XPA: variants seen among roughly 807,000 people sequenced by gnomAD.
XPA encodes XPA, DNA damage recognition and repair factor, also known as DNA repair protein complementing XP-A cells.
Under a neutral mutation model 35.7 loss-of-function variants are expected in XPA, and 27 were observed. The ratio of observed to expected loss-of-function variants is 0.76; its 90% CI spans 0.56 to 1.04. The LOEUF is 1.04. XPA is among the 50% of genes least tolerant of loss of function. XPA has a pLI of 0.00. For missense variants in XPA, 354 were observed against 342.7 expected (o/e 1.03, Z -0.26); for synonymous variants, 133 against 118.4 (o/e 1.12, Z -0.80).
At chr9:97,674,235 C>T (rs1828283626), downstream of XPA, among the ~76,000 whole-genome samples, 1 of 152,022 alleles carries the variant, frequency 6.6e-6, no homozygotes, top group Non-Finnish European at 1.5e-5. Context: ...CCAGAGACAT[C>T]TTGCTGCCCA....
intron 2 of XPA, among the ~76,000 whole-genome samples, chr9:97,690,823 C>T (rs540209631): frequency 2.0e-5 from 3 of 152,294 alleles, no homozygotes; most frequent in Non-Finnish European, 2.9e-5. Context: ...GTGCCCGGCC[C>T]CTCTTCCACT....
intron 5 of XPA, among the ~76,000 whole-genome samples, chr9:97,683,184 G>T (rs1828597835): frequency 6.6e-6 from 1 of 152,160 alleles, no homozygotes; most frequent in Non-Finnish European, 1.5e-5. Flanking sequence ...TCAGGTAGCT[G>T]GAGTTAACAA....
chr9:97,660,058 T>G, the XPA span, among the ~76,000 whole-genome samples: 1 of 152,198 alleles, frequency 6.6e-6, no homozygotes, highest in Non-Finnish European at 1.5e-5. Context: ...GCAAGCCAGT[T>G]TTGTATTGCT....
chr9:97,682,756 T>C (rs1346783201), intron 5 of XPA, among the ~76,000 whole-genome samples: 1 of 152,214 alleles, frequency 6.6e-6, no homozygotes, highest in Non-Finnish European at 1.5e-5. Context: ...GCTTATCTGG[T>C]GATTAACAGC....
At chr9:97,687,028 C>T (rs2131396297) in intron 4 of XPA, 68 bp downstream of exon 4, 3 of 1,519,182 alleles carry the variant, frequency 2.0e-6, no homozygotes, top group Non-Finnish European at 1.8e-6. Context: ...AAAGCCAAAC[C>T]AATTATGACT....
downstream of XPA, among the ~76,000 whole-genome samples, chr9:97,674,143 C>CCCCG (rs532362929): frequency 2.4e-4 from 37 of 151,810 alleles, no homozygotes; most frequent in East Asian, 3.3e-3. Context: ...CTTCCCCGCC[C>CCCCG]CCATAATGCT....
At chr9:97,661,793 AT>A in the XPA span, among the ~76,000 whole-genome samples, 478 of 126,110 alleles carry the variant, frequency 3.8e-3, 1 homozygote, top group Non-Finnish European at 5.6e-3. Flanking sequence ...AACCTGTGTG[AT>A]TTTTTTTTTT....
chr9:97,672,001 A>C (rs1828207222), downstream of XPA: 1 of 152,210 alleles, frequency 6.6e-6, no homozygotes, highest in Admixed American at 6.5e-5. Flanking sequence ...TGAGTTACAG[A>C]ATACTAAAGT....
chr9:97,671,659 C>T (rs1227446459), downstream of XPA: 1 of 152,528 alleles, frequency 6.6e-6, no homozygotes, highest in Non-Finnish European at 1.5e-5. Flanking sequence ...TTTATCATCT[C>T]ACTCTACTCT....
chr9:97,668,056 G>T, the XPA span, among the ~76,000 whole-genome samples: 4 of 152,186 alleles, frequency 2.6e-5, no homozygotes, highest in South Asian at 2.1e-4. Flanking sequence ...AAAGTGGAGA[G>T]ATCAGTAGAT....
the XPA span, among the ~76,000 whole-genome samples, chr9:97,665,409 G>T: frequency 6.6e-6 from 1 of 152,224 alleles, no homozygotes; most frequent in Non-Finnish European, 1.5e-5. Flanking sequence ...ATAGGGAAGT[G>T]TCACAGAGTG....
intron 2 of XPA, among the ~76,000 whole-genome samples, chr9:97,691,772 A>G (rs1828895568): frequency 6.6e-6 from 1 of 151,652 alleles, no homozygotes; most frequent in Non-Finnish European, 1.5e-5. Flanking sequence ...AGTCCCAGCT[A>G]CTTGGGAGGC....
chr9:97,664,221 G>A, the XPA span: 1 of 565,680 alleles, frequency 1.8e-6, no homozygotes, highest in Non-Finnish European at 3.1e-6. Context: ...CAATTCCATA[G>A]CCACCAAAAC....
chr9:97,677,318 A>G (rs2131381732), intron 5 of XPA, among the ~76,000 whole-genome samples: 1 of 152,308 alleles, frequency 6.6e-6, no homozygotes, highest in Admixed American at 6.5e-5. Context: ...ATGTCAGGCT[A>G]TATAATGGTG....
At chr9:97,670,478 C>T (rs1828156111), downstream of XPA, among the ~76,000 whole-genome samples, 1 of 152,186 alleles carries the variant, frequency 6.6e-6, no homozygotes, top group African/African-American at 2.4e-5. Flanking sequence ...TCTTCGGACA[C>T]TACTCCCCTA....
Position 97,697,137 on chromosome 9 carries a change from C to T in XPA, c.156G>A (p.Ala52=). Residue 52 remains alanine, a synonymous_variant, in exon 1 of 6, where the codon GCG becomes GCA. Coordinates refer to ENST00000375128, the MANE Select transcript of XPA (RefSeq NM_000380.4). ...GGCCCAAACCTCCAGTAGCCGCAGC[C>T]GCCGTCGCCGAGTAGGGCCGGGCAG... ...RLAARPYSAT[A]AAATGGMANV... 6.4e-7 allele frequency: 1 copy of T among 1,554,498 alleles called. No individual in the cohort carries two copies. Among genetic ancestry groups the T allele is most frequent in the Non-Finnish European group, 8.7e-7 (1 of 1,152,740 alleles).
intron 3 of XPA, among the ~76,000 whole-genome samples, chr9:97,688,530 A>G (rs984859797): frequency 6.6e-6 from 1 of 152,236 alleles, no homozygotes; most frequent in African/African-American, 2.4e-5. Context: ...TTAAACTGGT[A>G]CAAGAGTTGC....
the XPA span, chr9:97,666,706 T>G: frequency 1.7e-6 from 2 of 1,208,400 alleles, no homozygotes; most frequent in Non-Finnish European, 2.3e-6. Flanking sequence ...GTTGAAAGAT[T>G]TTATTTTCTG....
At chr9:97,691,900 T>A (rs1432716166) in intron 2 of XPA, among the ~76,000 whole-genome samples, 2 of 145,174 alleles carry the variant, frequency 1.4e-5, no homozygotes, top group Admixed American at 6.9e-5. Context: ...TATATATATA[T>A]ATATATATAT....
Sources: gnomAD v4.1 joint callset for allele counts (sites outside exome capture counted in the v4.1 genomes callset) on GRCh38, gnomAD v4.1.1 for gene constraint, MANE v1.5 for transcripts, NCBI Gene and HGNC (gene_info 2026-07-23, HGNC 2026-07-21) for gene names.